Variants in NYAP2 observed in about 807,000 individuals in gnomAD.
NYAP2 encodes the protein neuronal tyrosine-phosphorylated phosphoinositide-3-kinase adaptor 2.
Under a neutral mutation model 50.4 loss-of-function variants are expected in NYAP2, and 23 were observed. The ratio of observed to expected loss-of-function variants is 0.46; its 90% CI spans 0.33 to 0.65. The LOEUF (loss-of-function observed/expected upper bound fraction) is 0.65. Among genes scored for constraint, NYAP2 ranks in the 30% least tolerant of loss-of-function variants. The pLI is 0.02. For missense variants in NYAP2, 885 were observed against 861.0 expected (o/e 1.03, Z -0.35); for synonymous variants, 394 against 365.2 (o/e 1.08, Z -0.90).
At chr2:225,481,528 A>G (rs1690206532) in intron 3 of NYAP2, among the ~76,000 whole-genome samples, 1 of 152,150 alleles carries the variant, frequency 6.6e-6, no homozygotes, top group Admixed American at 6.6e-5. Context: ...TTGATCATGA[A>G]CAACCACATG....
At chr2:225,641,071 T>C (rs12694673) in intron 6 of NYAP2, among the ~76,000 whole-genome samples, 145,021 of 152,130 alleles carry the variant, frequency 0.95, 69,230 homozygotes, top group African/African-American at 0.99. Context: ...GACAGTGTGC[T>C]GACTCCAGTT....
the NYAP2 span, among the ~76,000 whole-genome samples, chr2:225,664,127 G>A: frequency 6.6e-6 from 1 of 152,182 alleles, no homozygotes; most frequent in Non-Finnish European, 1.5e-5. Flanking sequence ...GCAGTGTGGG[G>A]AAAGTCAAGT....
intron 3 of NYAP2, among the ~76,000 whole-genome samples, chr2:225,470,043 T>C (rs1689987628): frequency 6.6e-6 from 1 of 152,080 alleles, no homozygotes; most frequent in Non-Finnish European, 1.5e-5. Context: ...TAACACCTAA[T>C]AGCTAACAGG....
At chr2:225,685,792 A>G in the NYAP2 span, among the ~76,000 whole-genome samples, 14 of 152,178 alleles carry the variant, frequency 9.2e-5, no homozygotes, top group African/African-American at 3.4e-4. Flanking sequence ...TTTAGTGTGA[A>G]TCAATTTTCT....
At chr2:225,545,939 A>C (rs1240111799) in intron 4 of NYAP2, among the ~76,000 whole-genome samples, 1 of 152,174 alleles carries the variant, frequency 6.6e-6, no homozygotes, top group Non-Finnish European at 1.5e-5. Flanking sequence ...TTACAGACTC[A>C]TAGATGTACT....
At chr2:225,532,963 A>G (rs985407795) in intron 4 of NYAP2, among the ~76,000 whole-genome samples, 2 of 152,196 alleles carry the variant, frequency 1.3e-5, no homozygotes, top group African/African-American at 2.4e-5. Context: ...GAAACAAGAA[A>G]GATAGATTCT....
intron 3 of NYAP2, among the ~76,000 whole-genome samples, chr2:225,483,814 G>A (rs73089788): frequency 0.012 from 1,887 of 152,090 alleles, 43 homozygotes; most frequent in African/African-American, 0.043. Flanking sequence ...TTTCAGGCAC[G>A]GAAAAATAAC....
chr2:225,580,543 G>C (rs866559797), intron 4 of NYAP2, among the ~76,000 whole-genome samples: 6 of 152,154 alleles, frequency 3.9e-5, no homozygotes, highest in Middle Eastern at 3.2e-3. Flanking sequence ...AAAGCTGTTT[G>C]ATTGTAGTGA....
At chr2:225,462,567 T>C (rs1446306878) in intron 3 of NYAP2, among the ~76,000 whole-genome samples, 1 of 152,164 alleles carries the variant, frequency 6.6e-6, no homozygotes, top group African/African-American at 2.4e-5. Context: ...GAGAAAGACA[T>C]CTTCTATTCA....
intron 5 of NYAP2, among the ~76,000 whole-genome samples, chr2:225,603,852 T>C (rs1347082795): frequency 6.6e-6 from 1 of 152,200 alleles, no homozygotes; most frequent in African/African-American, 2.4e-5. Flanking sequence ...TTCTTTCATT[T>C]GTCACTTTCG....
chr2:225,603,383 G>C (rs542473146), intron 5 of NYAP2, among the ~76,000 whole-genome samples: 1 of 152,294 alleles, frequency 6.6e-6, no homozygotes, highest in Non-Finnish European at 1.5e-5. Context: ...TCTAAGTGAA[G>C]ATGTGACAGT....
intron 3 of NYAP2, among the ~76,000 whole-genome samples, chr2:225,489,166 T>G (rs888103202): frequency 6.6e-6 from 1 of 151,990 alleles, no homozygotes; most frequent in African/African-American, 2.4e-5. Flanking sequence ...AGGCTCCCCT[T>G]TTTCCCCTTT....
intron 3 of NYAP2, among the ~76,000 whole-genome samples, chr2:225,496,222 G>C (rs375322642): frequency 1.3e-5 from 2 of 152,110 alleles, no homozygotes; most frequent in Non-Finnish European, 2.9e-5. Context: ...ACATACAGAC[G>C]CTTAAAACTG....
intron 4 of NYAP2, among the ~76,000 whole-genome samples, chr2:225,534,071 A>C (rs1005898118): frequency 6.6e-6 from 1 of 152,250 alleles, no homozygotes; most frequent in African/African-American, 2.4e-5. Flanking sequence ...GGCACATTAA[A>C]AAAAAACAAC....
At chr2:225,455,814 A>G in intron 3 of NYAP2, among the ~76,000 whole-genome samples, 1 of 152,208 alleles carries the variant, frequency 6.6e-6, no homozygotes, top group Non-Finnish European at 1.5e-5. Flanking sequence ...TTGAGAAACT[A>G]AGTGCTTTGG....
chr2:225,601,585 A>T (rs1692692371), intron 5 of NYAP2, among the ~76,000 whole-genome samples: 1 of 152,190 alleles, frequency 6.6e-6, no homozygotes, highest in Non-Finnish European at 1.5e-5. Flanking sequence ...TGTAAATACC[A>T]ATCCTAATGT....
At chr2:225,461,616 C>G (rs1232954635) in intron 3 of NYAP2, among the ~76,000 whole-genome samples, 6 of 152,244 alleles carry the variant, frequency 3.9e-5, no homozygotes, top group Admixed American at 1.3e-4. Context: ...ATAGCTTGTA[C>G]CATATTTTAT....
At chr2:225,403,002 GC>G (rs1402245044) in intron 2 of NYAP2, among the ~76,000 whole-genome samples, 1 of 151,960 alleles carries the variant, frequency 6.6e-6, no homozygotes, top group Non-Finnish European at 1.5e-5. Flanking sequence ...TGTATCAGAA[GC>G]CTGATTATTT....
In NYAP2 at chr2:225,582,357, C is replaced by G; in HGVS notation, c.940C>G (p.Pro314Ala). Reference sequence around the variant, plus strand: ...CTTCGCCAAGGCCTCAGTGCCATGCCCCCCCAAGGGGCTGCTTTGCGACAT... The same window carrying G: ...CTTCGCCAAGGCCTCAGTGCCATGCGCCCCCAAGGGGCTGCTTTGCGACAT... The change falls in exon 5 of 7, where the codon CCC becomes GCC. Residue 314 changes from proline (P) to alanine (A), a missense_variant. Transcript: ENST00000636099. This position sits in a 1 kb window ranked among gnomAD's most constrained non-coding sequence, Gnocchi z 7.0. The G allele has an allele frequency of 6.2e-7, 1 of 1,613,362 alleles. No individual in the cohort carries two copies. The highest frequency in any genetic ancestry group is 8.5e-7 in the Non-Finnish European group (1 of 1,179,356).
Sources: gnomAD v4.1 joint callset for allele counts (sites outside exome capture counted in the v4.1 genomes callset) on GRCh38, gnomAD v4.1.1 for gene constraint, Gnocchi (gnomAD v3.1) non-coding constraint, MANE v1.5 for transcripts, NCBI Gene and HGNC (gene_info 2026-07-23, HGNC 2026-07-21) for gene names.